The following PCSK2 variants were observed in gnomAD, a reference collection of about 807,000 sequenced individuals.
PCSK2 encodes the protein neuroendocrine convertase 2.
Under a neutral mutation model 69.7 loss-of-function variants are expected in PCSK2, and 14 were observed. The ratio of observed to expected loss-of-function variants is 0.20; its 90% CI spans 0.13 to 0.31. The LOEUF is 0.31. Among genes scored for constraint, PCSK2 ranks in the 10% least tolerant of loss-of-function variants. The pLI is 1.00. For synonymous variants in PCSK2, 307 were observed against 320.7 expected, an observed-to-expected ratio of 0.96 and a Z score of 0.46; for missense variants, 544 against 842.5, an observed-to-expected ratio of 0.65 and a Z score of 4.39.
intron 6 of PCSK2, among the ~76,000 whole-genome samples, chr20:17,414,528 T>A (rs181456857): frequency 4.4e-3 from 663 of 152,196 alleles, no homozygotes; most frequent in Non-Finnish European, 6.5e-3. Flanking sequence ...GGCTCTGAAA[T>A]TGAGGCAATA....
intron 2 of PCSK2, among the ~76,000 whole-genome samples, chr20:17,326,993 T>G (rs1990074652): frequency 6.6e-6 from 1 of 152,222 alleles, no homozygotes; most frequent in Non-Finnish European, 1.5e-5. Flanking sequence ...TCAGTATATC[T>G]GTAGTCTTCT....
chr20:17,363,599 G>A (rs1216688246), intron 4 of PCSK2, among the ~76,000 whole-genome samples: 5 of 152,180 alleles, frequency 3.3e-5, no homozygotes, highest in Non-Finnish European at 7.3e-5. Flanking sequence ...GAGTAATTCA[G>A]GGCAGATGGC....
intron 6 of PCSK2, among the ~76,000 whole-genome samples, chr20:17,417,951 G>A (rs964145725): frequency 1.3e-5 from 2 of 152,016 alleles, no homozygotes; most frequent in Non-Finnish European, 2.9e-5. Flanking sequence ...ACTAGCATAC[G>A]GCATAAAAAG....
chr20:17,238,467 T>C (rs887702623), intron 1 of PCSK2, among the ~76,000 whole-genome samples: 6 of 152,164 alleles, frequency 3.9e-5, no homozygotes, highest in African/African-American at 1.4e-4. Flanking sequence ...AACCCTTCAT[T>C]TAATAAATGA....
chr20:17,455,660 G>A (rs754249733), intron 9 of PCSK2, among the ~76,000 whole-genome samples: 9 of 152,330 alleles, frequency 5.9e-5, no homozygotes, highest in Admixed American at 1.3e-4. Flanking sequence ...TCAAGGGCCA[G>A]TCCCAATGCA....
At chr20:17,333,910 C>CATATATATATATTTAT (rs1990271239) in intron 2 of PCSK2, among the ~76,000 whole-genome samples, 1 of 86,372 alleles carries the variant, frequency 1.2e-5, no homozygotes, top group Non-Finnish European at 2.4e-5. Flanking sequence ...TAAGTCACTG[C>CATATATATATATTTAT]ATATATATAT....
At position 17,456,490 on chromosome 20, in the gene PCSK2, G is replaced by A. The variant is rs772810338; in HGVS notation, c.1202+42G>A. On this transcript the variant is annotated intron_variant, in intron 10 of 11. Coordinates refer to ENST00000262545, the MANE Select transcript of PCSK2 (RefSeq NM_002594.5). ...GGGTCCAGGGCCAGCTCTGCAGGGT[G>A]GACTAACACGTGTCTCTCTGCCCAC... 10 of 1,050,534 alleles carry A rather than the reference G, an allele frequency of 9.5e-6. No individual in the cohort carries two copies. The Admixed American group carries it at 1.9e-4, about 19-fold the overall frequency. The allele number at this position is 1,050,534 out of a possible 1,614,324, so 65.1% of individuals were successfully genotyped here. A position where few individuals can be genotyped will look rare whatever the true frequency, so the allele number is the denominator to read the frequency against.
At chr20:17,272,043 T>C (rs1183286684) in intron 2 of PCSK2, among the ~76,000 whole-genome samples, 1 of 152,136 alleles carries the variant, frequency 6.6e-6, no homozygotes, top group Non-Finnish European at 1.5e-5. Context: ...CATTCTCCTT[T>C]CTGAGGCCAA....
chr20:17,333,329 A>G (rs910388654), intron 2 of PCSK2, among the ~76,000 whole-genome samples: 2 of 152,230 alleles, frequency 1.3e-5, no homozygotes, highest in African/African-American at 2.4e-5. Flanking sequence ...TTTCCAAATT[A>G]AAAGTTTACA....
At chr20:17,449,666 T>C (rs1358363749) in intron 8 of PCSK2, among the ~76,000 whole-genome samples, 2 of 151,990 alleles carry the variant, frequency 1.3e-5, no homozygotes, top group East Asian at 3.9e-4. Flanking sequence ...TAGCTGGGAC[T>C]ACAGGCATGC....
At chr20:17,435,377 G>A (rs1036842757) in intron 7 of PCSK2, among the ~76,000 whole-genome samples, 1 of 152,212 alleles carries the variant, frequency 6.6e-6, no homozygotes, top group African/African-American at 2.4e-5. Context: ...ATAAGTAGTT[G>A]CGATAGAAGG....
At chr20:17,328,663 G>A (rs925686099) in intron 2 of PCSK2, among the ~76,000 whole-genome samples, 70 of 152,140 alleles carry the variant, frequency 4.6e-4, no homozygotes, top group African/African-American at 1.7e-3. Flanking sequence ...GTTCAAAGTC[G>A]AAAAAGGTTT....
rs192191672 is a variant in PCSK2, at chr20:17,302,133, G to A, written c.282+41789G>A. ...TAACCCAGAACTTCAGGCAACCCCA[G>A]GCCTTGAGAAAACAAGAATATTCTT... On this transcript the variant is annotated intron_variant, in intron 2 of 11. Coordinates refer to ENST00000262545, the MANE Select transcript of PCSK2 (RefSeq NM_002594.5). Among the ~76,000 whole-genome samples the A allele has an allele frequency of 2.9e-3, 439 of 152,072 alleles. 1 individual carries two copies. The highest frequency in any genetic ancestry group is 3.7e-3 in the Non-Finnish European group (249 of 67,992).
chr20:17,443,153 C>T (rs2032631262), intron 8 of PCSK2, among the ~76,000 whole-genome samples: 1 of 152,152 alleles, frequency 6.6e-6, no homozygotes, highest in Non-Finnish European at 1.5e-5. Flanking sequence ...ACAGAGTCCT[C>T]GAAGTGAACA....
At chr20:17,292,534 C>T (rs1988733145) in intron 2 of PCSK2, among the ~76,000 whole-genome samples, 1 of 152,190 alleles carries the variant, frequency 6.6e-6, no homozygotes, top group East Asian at 1.9e-4. Context: ...TTTATCTAGA[C>T]CTGATTGTTT....
chr20:17,371,575 T>C (rs547701225), intron 5 of PCSK2, among the ~76,000 whole-genome samples: 2 of 152,268 alleles, frequency 1.3e-5, no homozygotes, highest in Non-Finnish European at 2.9e-5. Context: ...TCAAAAAATA[T>C]GAAAAAGCAT....
At position 17,429,439 on chromosome 20, in the gene PCSK2, G is replaced by A. The variant is rs774026296; in HGVS notation, c.625G>A (p.Gly209Arg). ...TGTCTTTATATTTTTCCAAAGCCAC[G>A]GGACCCGATGTGCAGGAGAAGTTTC... ...RYTDDWFNSH[G>R]TRCAGEVSAA... The change falls in exon 7 of 12, where the codon GGG becomes AGG. Residue 209 changes from glycine to arginine, a missense_variant. Physicochemically the swap from Gly to Arg is moderately radical, Grantham distance 125. Around this residue, in one of 3 missense-constraint regions of PCSK2, gnomAD observed 187 missense variants for 399.8 expected, o/e 0.47. Transcript: ENST00000262545. 3 of 1,613,304 alleles carry A rather than the reference G, an allele frequency of 1.9e-6. No homozygotes were observed. The highest frequency in any genetic ancestry group is 2.5e-6 in the Non-Finnish European group (3 of 1,179,482).
At chr20:17,337,798 G>T (rs6080640) in intron 2 of PCSK2, among the ~76,000 whole-genome samples, 1 of 151,606 alleles carries the variant, frequency 6.6e-6, no homozygotes, top group Non-Finnish European at 1.5e-5. Context: ...GTATGGTGGT[G>T]CATGCCTGTA....
chr20:17,432,040 C>G (rs1008225710), intron 7 of PCSK2, among the ~76,000 whole-genome samples: 1 of 152,142 alleles, frequency 6.6e-6, no homozygotes, highest in Non-Finnish European at 1.5e-5. Flanking sequence ...CCCAGCACCC[C>G]TCCACGCTGT....
Sources: gnomAD v4.1 joint callset for allele counts (sites outside exome capture counted in the v4.1 genomes callset) on GRCh38, gnomAD v4.1.1 for gene constraint, gnomAD v4.1.1 regional missense constraint, MANE v1.5 for transcripts, NCBI Gene and HGNC (gene_info 2026-07-23, HGNC 2026-07-21) for gene names.